Variants in LIMCH1 observed in about 807,000 individuals in gnomAD.
LIMCH1 encodes LIM and calponin homology domains-containing protein 1.
A neutral mutation model predicts 176.5 loss-of-function variants in LIMCH1; 113 were observed. The ratio of observed to expected loss-of-function variants is 0.64; its 90% CI spans 0.55 to 0.75. The LOEUF (loss-of-function observed/expected upper bound fraction) is 0.75, where lower values mean the gene tolerates loss of function less well. Among genes scored for constraint, LIMCH1 ranks in the 30% least tolerant of loss-of-function variants. The pLI, the probability that LIMCH1 is intolerant of heterozygous loss-of-function variation, is 0.00. For synonymous variants in LIMCH1, 619 were observed against 645.9 expected (o/e 0.96, Z 0.63); for missense variants, 1,674 against 1,814.9 (o/e 0.92, Z 1.41).
intron 1 of LIMCH1, among the ~76,000 whole-genome samples, chr4:41,458,191 A>G (rs2064848235): frequency 6.6e-6 from 1 of 152,216 alleles, no homozygotes; most frequent in African/African-American, 2.4e-5. Flanking sequence ...ATGGATGCAT[A>G]GTATCTCACT....
intron 20 of LIMCH1, 69 bp downstream of exon 20, chr4:41,663,053 C>A: frequency 7.1e-7 from 1 of 1,399,078 alleles, no homozygotes; most frequent in Non-Finnish European, 9.9e-7. Context: ...CAGCTAGCTG[C>A]TGCTGTGGCA....
intron 1 of LIMCH1, among the ~76,000 whole-genome samples, chr4:41,485,894 G>T (rs2069445340): frequency 6.6e-6 from 1 of 152,146 alleles, no homozygotes; most frequent in African/African-American, 2.4e-5. Flanking sequence ...GATGACAGTG[G>T]CTTGGAAAAA....
At chr4:41,575,154 C>T (rs1217656575) in intron 1 of LIMCH1, among the ~76,000 whole-genome samples, 1 of 152,182 alleles carries the variant, frequency 6.6e-6, no homozygotes, top group Non-Finnish European at 1.5e-5. Context: ...ATTATTCTGA[C>T]TAGTAGCTGT....
chr4:41,423,872 A>G (rs1424976429), intron 1 of LIMCH1, among the ~76,000 whole-genome samples: 1 of 152,036 alleles, frequency 6.6e-6, no homozygotes, highest in East Asian at 1.9e-4. Context: ...GAGAAGGGAA[A>G]GGTGGGTTGG....
intron 21 of LIMCH1, among the ~76,000 whole-genome samples, chr4:41,667,721 A>G (rs1300783139): frequency 1.3e-5 from 2 of 152,062 alleles, no homozygotes; most frequent in Admixed American, 6.5e-5. Context: ...GACCACCAGA[A>G]AGGGCCCTGA....
At chr4:41,434,789 T>G (rs1306978602) in intron 1 of LIMCH1, among the ~76,000 whole-genome samples, 1 of 152,224 alleles carries the variant, frequency 6.6e-6, no homozygotes, top group Non-Finnish European at 1.5e-5. Context: ...AGTGCTGGGA[T>G]TACAGGCGTG....
intron 1 of LIMCH1, among the ~76,000 whole-genome samples, chr4:41,435,319 A>G (rs12648476): frequency 0.046 from 7,015 of 152,318 alleles, 226 homozygotes; most frequent in East Asian, 0.14. Flanking sequence ...ACCATGAGCA[A>G]AGGAAAACAG....
intron 14 of LIMCH1, among the ~76,000 whole-genome samples, chr4:41,642,214 G>T (rs565381268): frequency 2.6e-5 from 4 of 152,212 alleles, no homozygotes; most frequent in African/African-American, 7.2e-5. Flanking sequence ...ATGGTAAGAG[G>T]GTCCCAGCTC....
At position 41,669,464 on chromosome 4, in the gene LIMCH1, C is replaced by T. The variant is rs147561391; in HGVS notation, c.3398-2090C>T. Among the ~76,000 whole-genome samples the T allele has an allele frequency of 7.2e-5, 11 of 152,160 alleles. No individual in the cohort carries two copies. In the East Asian group the frequency reaches 2.1e-3, roughly 29 times the overall value. On this transcript the variant is annotated intron_variant, in intron 21 of 31. Coordinates refer to ENST00000503057, the MANE Select transcript of LIMCH1 (RefSeq NM_001330672.2). The stretch of plus-strand genomic sequence containing the variant: ...ACTGTGGTTCTCAAACCCTGTGTGC[C>T]AGGGTCCCTGTAGGGCTTGGAGCCC...
intron 28 of LIMCH1, among the ~76,000 whole-genome samples, chr4:41,687,264 G>T (rs971744000): frequency 6.6e-6 from 1 of 152,126 alleles, no homozygotes; most frequent in African/African-American, 2.4e-5. Flanking sequence ...TCTAGCTGGG[G>T]GCTATTCTGA....
chr4:41,521,313 T>A (rs1583443667), intron 2 of LIMCH1, among the ~76,000 whole-genome samples: 1 of 152,166 alleles, frequency 6.6e-6, no homozygotes, highest in Non-Finnish European at 1.5e-5. Flanking sequence ...GGGTTCATTT[T>A]TTCTTCTACA....
rs137958996 is a variant in LIMCH1 at position 41,472,264 on chromosome 4, G to T, written c.97-22272G>T. Among the ~76,000 whole-genome samples, 1,439 of 152,214 alleles carry T rather than the reference G, an allele frequency of 9.5e-3. 24 individuals are homozygous for T. Among genetic ancestry groups the T allele is most frequent in the African/African-American group, 0.032 (1,340 of 41,514 alleles). On this transcript the variant is annotated intron_variant, in intron 1 of 26. Transcript: ENST00000313860. ...CAAAGGCCAAACGACACATGTAGGC[G>T]CCTGTTTGGCGCCTGAAGCCATGAT...
intron 30 of LIMCH1, 91 bp from the exon 31 acceptor site, chr4:41,692,191 A>G: frequency 2.6e-6 from 2 of 783,846 alleles, no homozygotes; most frequent in Non-Finnish European, 4.5e-6. Context: ...TGTAGAAGGG[A>G]TTATTGTGCT....
At position 41,597,468 on chromosome 4, in the gene LIMCH1, A is replaced by G. The variant is rs145578312; in HGVS notation, c.-240-1452A>G. On this transcript the variant is annotated intron_variant, in intron 1 of 31. Transcript: ENST00000503057. ...ATTAATTTTTTTATTACTGCATACA[A>G]CCTAATGTCTTTAACACCAATGGTT... 6.4e-3 allele frequency among the ~76,000 whole-genome samples: 976 copies of G among 152,308 alleles called. 4 individuals are homozygous for G. Among genetic ancestry groups the G allele is most frequent in the African/African-American group, 0.021 (883 of 41,568 alleles).
intron 1 of LIMCH1, among the ~76,000 whole-genome samples, chr4:41,444,062 T>G (rs941549091): frequency 6.6e-6 from 1 of 152,128 alleles, no homozygotes; most frequent in Admixed American, 6.5e-5. Flanking sequence ...GTATTGTCCG[T>G]GGGACTGAAG....
At chr4:41,473,536 A>T (rs774618457) in intron 1 of LIMCH1, among the ~76,000 whole-genome samples, 59 of 152,200 alleles carry the variant, frequency 3.9e-4, no homozygotes, top group Non-Finnish European at 6.2e-4. Context: ...CCTTTATCTC[A>T]CCCTGATACA....
At chr4:41,446,827 GA>G (rs2063335739) in intron 1 of LIMCH1, among the ~76,000 whole-genome samples, 1 of 152,216 alleles carries the variant, frequency 6.6e-6, no homozygotes, top group South Asian at 2.1e-4. Context: ...ATCATGAAAG[GA>G]AAAGGAAGAA....
At chr4:41,583,101 C>G (rs192753785) in intron 1 of LIMCH1, among the ~76,000 whole-genome samples, 42 of 152,320 alleles carry the variant, frequency 2.8e-4, no homozygotes, top group African/African-American at 9.1e-4. Flanking sequence ...AACAATAACT[C>G]TATGGAACTT....
chr4:41,631,579 G>A, intron 10 of LIMCH1, 102 bp downstream of exon 10: 1 of 976,828 alleles, frequency 1.0e-6, no homozygotes, highest in Non-Finnish European at 1.5e-6. Flanking sequence ...AGATGACATA[G>A]TTTTAACAGA....
Sources: allele counts gnomAD v4.1 joint callset (sites outside exome capture counted in the v4.1 genomes callset), GRCh38; gene constraint gnomAD v4.1.1; transcripts MANE v1.5; gene names NCBI Gene and HGNC (gene_info 2026-07-23, HGNC 2026-07-21).